The following RTKN2 variants were observed in gnomAD, a reference collection of about 807,000 sequenced individuals.
RTKN2 encodes rhotekin 2.
In RTKN2, 69 loss-of-function variants were observed where a neutral mutation model predicts 71.5. The ratio of observed to expected loss-of-function variants is 0.96; its 90% CI spans 0.79 to 1.18. RTKN2 has a LOEUF of 1.18. Ranked by LOEUF, RTKN2 falls within the 50% of genes most tolerant of loss-of-function variation. The pLI, the probability that RTKN2 is intolerant of heterozygous loss-of-function variation, is 0.00. For missense variants in RTKN2, 724 were observed against 719.7 expected, an observed-to-expected ratio of 1.01 and a Z score of -0.07; for synonymous variants, 236 against 236.5, an observed-to-expected ratio of 1.00 and a Z score of 0.02.
At chr10:62,253,878 G>T (rs1842625708) in intron 2 of RTKN2, among the ~76,000 whole-genome samples, 1 of 152,028 alleles carries the variant, frequency 6.6e-6, no homozygotes, top group African/African-American at 2.4e-5. Flanking sequence ...GCATTATGCT[G>T]AAAGAAAGAA....
At chr10:62,217,802 T>C (rs1841807814) in intron 8 of RTKN2, among the ~76,000 whole-genome samples, 1 of 152,066 alleles carries the variant, frequency 6.6e-6, no homozygotes, top group South Asian at 2.1e-4. Flanking sequence ...CAGCAGTAGG[T>C]GGCACAGAGG....
chr10:62,239,925 A>G (rs1436304815), intron 4 of RTKN2, among the ~76,000 whole-genome samples, 160 bp from the exon 5 acceptor site: 1 of 152,160 alleles, frequency 6.6e-6, no homozygotes, highest in Non-Finnish European at 1.5e-5. Flanking sequence ...CTCCCAGTAT[A>G]TAGGAATACC....
Position 62,218,357 on chromosome 10 carries a change from G to A in RTKN2, c.782-56C>T, listed in dbSNP as rs551118048. 17 of 1,138,518 alleles carry A rather than the reference G, an allele frequency of 1.5e-5. No homozygotes were observed. The East Asian group carries it at 4.0e-4, about 27-fold the overall frequency. The allele number at this position is 1,138,518 out of a possible 1,614,324, so 70.5% of individuals were successfully genotyped here. ...AAGTTATAAATATAAGTTTATTTAA[G>A]GTCATCATACATTTTGATTTTTCTC... On this transcript the variant is annotated intron_variant, in intron 7 of 11. Coordinates refer to ENST00000373789, the MANE Select transcript of RTKN2 (RefSeq NM_145307.4).
intron 2 of RTKN2, among the ~76,000 whole-genome samples, chr10:62,255,558 G>A (rs1474178966): frequency 1.3e-5 from 2 of 152,132 alleles, no homozygotes; most frequent in Non-Finnish European, 1.5e-5. Context: ...AGTGTAGAAG[G>A]AATACTAGAA....
rs754237632 is a variant in RTKN2 at position 62,193,908 on chromosome 10, T to A, written c.*4000A>T. 2.7e-5 allele frequency: 27 copies of A among 982,938 alleles called. No individual in the cohort carries two copies. The highest frequency in any genetic ancestry group is 3.1e-5 in the Non-Finnish European group (26 of 827,656). The allele number at this position is 982,938 out of a possible 1,614,324, so 60.9% of individuals were successfully genotyped here. Reference sequence around the variant, plus strand: ...TAATTAGCACCAGCTACTTGGTATGTCTTTTTCTGATTAAACTGATTCCAC... The same window carrying A: ...TAATTAGCACCAGCTACTTGGTATGACTTTTTCTGATTAAACTGATTCCAC... On this transcript the variant is annotated 3_prime_UTR_variant, in exon 12 of 12. Transcript: ENST00000373789.
chr10:62,196,758 A>G lies in RTKN2; in HGVS notation c.*1150T>C, dbSNP rs983077364. 1 of 979,954 alleles carries G rather than the reference A, an allele frequency of 1.0e-6. No individual in the cohort carries two copies. Among genetic ancestry groups the G allele is most frequent in the Non-Finnish European group, 1.2e-6 (1 of 825,140 alleles). 60.7% of individuals were successfully genotyped at this position (979,954 alleles called of 1,614,324 possible). Reference sequence around the variant, plus strand: ...GGAAACTGTTTTATTTGGAAATTCTAATTAGATTTTTAAAACTGTTCTGCT... The same window carrying G: ...GGAAACTGTTTTATTTGGAAATTCTGATTAGATTTTTAAAACTGTTCTGCT... On this transcript the variant is annotated 3_prime_UTR_variant, in exon 12 of 12. Coordinates refer to ENST00000373789, the MANE Select transcript of RTKN2 (RefSeq NM_145307.4).
intron 7 of RTKN2, among the ~76,000 whole-genome samples, chr10:62,218,523 GAC>G (rs1356258898): frequency 3.3e-5 from 5 of 152,094 alleles, no homozygotes; most frequent in Non-Finnish European, 1.5e-5. Flanking sequence ...ATATTAAACT[GAC>G]AGTTTATAGC....
chr10:62,218,318 G>GA lies in RTKN2; in HGVS notation c.782-18dup, dbSNP rs11355398. The GA allele has an allele frequency of 1.4e-3, 1,609 of 1,171,384 alleles. No individual in the cohort carries two copies. The highest frequency in any genetic ancestry group is 3.0e-3 in the South Asian group (218 of 71,604). The allele number at this position is 1,171,384 out of a possible 1,614,324, so 72.6% of individuals were successfully genotyped here. A position where few individuals can be genotyped will look rare whatever the true frequency, so the allele number is the denominator to read the frequency against. On this transcript the variant is annotated splice_polypyrimidine_tract_variant and intron_variant, in intron 7 of 11. Transcript: ENST00000373789. ...AAGACTCCTCTATTTAAAGGAGAAA[G>GA]AAAAAAAAAAATCAAGTTATAAATA...
At chr10:62,265,935 G>A (rs1842861166) in intron 1 of RTKN2, among the ~76,000 whole-genome samples, 1 of 152,324 alleles carries the variant, frequency 6.6e-6, no homozygotes, top group African/African-American at 2.4e-5. Context: ...TGGCCAGGTA[G>A]AGTCAAGGCT....
intron 11 of RTKN2, among the ~76,000 whole-genome samples, chr10:62,199,172 T>C (rs925214768): frequency 6.6e-6 from 1 of 152,192 alleles, no homozygotes; most frequent in Admixed American, 6.5e-5. Context: ...TAGTGGCAAA[T>C]TAAACAGAAT....
At chr10:62,235,015 G>A (rs1315434859) in intron 6 of RTKN2, among the ~76,000 whole-genome samples, 2 of 151,636 alleles carry the variant, frequency 1.3e-5, no homozygotes, top group Non-Finnish European at 2.9e-5. Flanking sequence ...GAGGTTATAG[G>A]AAATACAAGG....
In RTKN2 at chr10:62,197,624, C is replaced by A; in HGVS notation, c.*284G>T. The A allele has an allele frequency of 8.5e-7, 1 of 1,179,806 alleles. No individual in the cohort carries two copies. The highest frequency in any genetic ancestry group is 1.0e-6 in the Non-Finnish European group (1 of 953,338). 73.1% of individuals were successfully genotyped at this position (1,179,806 alleles called of 1,614,324 possible). ...CTTTATTCTGCCTAGGGCTTATTCA[C>A]TGCCTGGTACTAATTCAGGAATAAA... On this transcript the variant is annotated 3_prime_UTR_variant, in exon 12 of 12. Coordinates refer to ENST00000373789, the MANE Select transcript of RTKN2 (RefSeq NM_145307.4).
At chr10:62,239,554 T>C in intron 5 of RTKN2, 94 bp downstream of exon 5, 1 of 574,784 alleles carries the variant, frequency 1.7e-6, no homozygotes, top group Non-Finnish European at 3.0e-6. Flanking sequence ...CATTTAAACA[T>C]AAAATGAATC....
intron 8 of RTKN2, among the ~76,000 whole-genome samples, 171 bp from the exon 9 acceptor site, chr10:62,217,420 T>C (rs562598812): frequency 6.6e-6 from 1 of 152,288 alleles, no homozygotes; most frequent in South Asian, 2.1e-4. Context: ...TCCAAGAGTA[T>C]GTTAATATCA....
At chr10:62,208,326 C>T (rs1182271020) in intron 9 of RTKN2, among the ~76,000 whole-genome samples, 1 of 151,588 alleles carries the variant, frequency 6.6e-6, no homozygotes, top group Non-Finnish European at 1.5e-5. Context: ...ATACTCTTTA[C>T]TAAAAACATC....
At chr10:62,215,344 A>G (rs929134276) in intron 9 of RTKN2, among the ~76,000 whole-genome samples, 2 of 152,172 alleles carry the variant, frequency 1.3e-5, no homozygotes, top group East Asian at 3.9e-4. Flanking sequence ...AAAAATGTCA[A>G]TGTAATGAAA....
chr10:62,223,239 A>G lies in RTKN2; in HGVS notation c.780T>C (p.Asn260=), dbSNP rs776748757. The G allele has an allele frequency of 1.3e-6, 2 of 1,566,260 alleles. No homozygotes were observed. Among genetic ancestry groups the G allele is most frequent in the East Asian group, 2.2e-5 (1 of 44,554 alleles). Residue 260 remains asparagine, a splice_region_variant and synonymous_variant, in exon 7 of 12, where the codon AAT becomes AAC. Coordinates refer to ENST00000373789, the MANE Select transcript of RTKN2 (RefSeq NM_145307.4). ...AAGTAAAATATATACTGTACTTACCATTTCCATTAATAGACAGATTATGGG... is the reference window on the plus strand; with the variant it reads ...AAGTAAAATATATACTGTACTTACCGTTTCCATTAATAGACAGATTATGGG... ...FKTHNLSING[N]EESSFWLPLY... is the part of the protein sequence containing the mutation.
At chr10:62,242,385 TCTTTA>T (rs1842394468) in intron 3 of RTKN2, among the ~76,000 whole-genome samples, 1 of 152,338 alleles carries the variant, frequency 6.6e-6, no homozygotes, top group Admixed American at 6.5e-5. Context: ...TAATAATTTG[TCTTTA>T]CATTTTTATT....
At chr10:62,230,387 G>A (rs1226387576) in intron 6 of RTKN2, among the ~76,000 whole-genome samples, 2 of 152,038 alleles carry the variant, frequency 1.3e-5, no homozygotes, top group Non-Finnish European at 2.9e-5. Flanking sequence ...ATGTTGGCCA[G>A]GCTGGTCTCA....
Sources: gnomAD v4.1 joint callset for allele counts (sites outside exome capture counted in the v4.1 genomes callset) on GRCh38, gnomAD v4.1.1 for gene constraint, MANE v1.5 for transcripts, NCBI Gene and HGNC (gene_info 2026-07-23, HGNC 2026-07-21) for gene names.